SYT1: variants seen among roughly 807,000 people sequenced by gnomAD.
SYT1 encodes the protein synaptotagmin-1.
In SYT1, 8 loss-of-function variants were observed where a neutral mutation model predicts 44.8. The observed-to-expected ratio is 0.18, with a 90% CI of 0.10 to 0.32. The LOEUF (loss-of-function observed/expected upper bound fraction) is 0.32, where lower values mean the gene tolerates loss of function less well. Ranked by LOEUF, SYT1 falls within the 10% of genes least tolerant of loss-of-function variation. SYT1 has a pLI of 1.00. For synonymous variants in SYT1, 154 were observed against 188.8 expected, an observed-to-expected ratio of 0.82 and a Z score of 1.51; for missense variants, 286 against 509.3, an observed-to-expected ratio of 0.56 and a Z score of 4.22.
At chr12:79,262,512 A>C (rs1877889033) in intron 4 of SYT1, among the ~76,000 whole-genome samples, 1 of 152,188 alleles carries the variant, frequency 6.6e-6, no homozygotes, top group African/African-American at 2.4e-5. Flanking sequence ...AGTTTCTGGA[A>C]GTGTGTACAT....
chr12:79,075,353 C>T (rs1480711849), intron 3 of SYT1, among the ~76,000 whole-genome samples: 1 of 152,058 alleles, frequency 6.6e-6, no homozygotes, highest in Non-Finnish European at 1.5e-5. Flanking sequence ...CTTTTTTGTG[C>T]TAATCCAAAT....
At chr12:79,402,292 G>A (rs975465232) in intron 9 of SYT1, among the ~76,000 whole-genome samples, 3 of 152,146 alleles carry the variant, frequency 2.0e-5, no homozygotes, top group Non-Finnish European at 2.9e-5. Flanking sequence ...CATGTCCCAC[G>A]TGGCCAGTAA....
intron 9 of SYT1, among the ~76,000 whole-genome samples, chr12:79,358,558 G>A (rs1883199639): frequency 6.6e-6 from 1 of 152,100 alleles, no homozygotes; most frequent in Non-Finnish European, 1.5e-5. Context: ...CACATAGATG[G>A]GGGTGTTCAA....
At chr12:79,159,396 T>C (rs61927309) in intron 3 of SYT1, among the ~76,000 whole-genome samples, 11,359 of 152,200 alleles carry the variant, frequency 0.075, 516 homozygotes, top group African/African-American at 0.12. Flanking sequence ...AGTCCCCCCT[T>C]ATCTGTGGAT....
intron 3 of SYT1, among the ~76,000 whole-genome samples, chr12:79,207,028 C>T (rs569215442): frequency 6.6e-6 from 1 of 152,272 alleles, no homozygotes; most frequent in East Asian, 1.9e-4. Context: ...GCCTTAGTTT[C>T]TTCAAAGTTT....
At chr12:79,237,473 A>G (rs2138639194) in intron 4 of SYT1, among the ~76,000 whole-genome samples, 1 of 152,344 alleles carries the variant, frequency 6.6e-6, no homozygotes, top group South Asian at 2.1e-4. Flanking sequence ...GCTGTCAAAG[A>G]CTATTGGGTA....
intron 2 of SYT1, among the ~76,000 whole-genome samples, chr12:78,988,122 T>A (rs1256082594): frequency 6.6e-6 from 1 of 152,018 alleles, no homozygotes; most frequent in Non-Finnish European, 1.5e-5. Flanking sequence ...ATTCACTCAC[T>A]GAACAAATTT....
intron 9 of SYT1, among the ~76,000 whole-genome samples, chr12:79,420,186 G>T (rs1218490663): frequency 3.3e-5 from 5 of 152,074 alleles, no homozygotes; most frequent in Non-Finnish European, 7.4e-5. Context: ...GGGATTGCTG[G>T]AATGTAGGGT....
chr12:79,009,931 C>A (rs1871313109), intron 2 of SYT1, among the ~76,000 whole-genome samples: 1 of 152,118 alleles, frequency 6.6e-6, no homozygotes, highest in Non-Finnish European at 1.5e-5. Context: ...ATTGCTGTCA[C>A]TGTTCTCTCT....
chr12:79,238,211 G>A (rs180720426), intron 4 of SYT1, among the ~76,000 whole-genome samples: 7 of 152,242 alleles, frequency 4.6e-5, no homozygotes, highest in Non-Finnish European at 5.9e-5. Context: ...ATGTGACCCC[G>A]TTTTCTAAGA....
intron 3 of SYT1, among the ~76,000 whole-genome samples, chr12:79,073,906 G>A (rs1024960344): frequency 2.0e-5 from 3 of 152,064 alleles, no homozygotes; most frequent in Non-Finnish European, 4.4e-5. Flanking sequence ...TCTGCTGCAA[G>A]AAAAAATAAT....
chr12:79,301,650 T>C (rs1269028460), intron 8 of SYT1, among the ~76,000 whole-genome samples: 1 of 152,176 alleles, frequency 6.6e-6, no homozygotes, highest in Non-Finnish European at 1.5e-5. Flanking sequence ...GTGTGTTCTC[T>C]TTCCCCATTT....
At chr12:78,984,883 A>G (rs930161550) in intron 2 of SYT1, among the ~76,000 whole-genome samples, 5 of 152,030 alleles carry the variant, frequency 3.3e-5, no homozygotes, top group Admixed American at 6.6e-5. Context: ...CAATAGAAAA[A>G]GAATTAACAG....
intron 3 of SYT1, among the ~76,000 whole-genome samples, chr12:79,085,935 T>C (rs940024815): frequency 8.6e-5 from 13 of 152,028 alleles, no homozygotes; most frequent in African/African-American, 2.7e-4. Flanking sequence ...AACTCTAAGA[T>C]TAAATTAATT....
At chr12:79,079,048 C>T (rs1876853685) in intron 3 of SYT1, among the ~76,000 whole-genome samples, 1 of 152,170 alleles carries the variant, frequency 6.6e-6, no homozygotes, top group African/African-American at 2.4e-5. Context: ...CTAATTTAGG[C>T]TACAACCCTG....
chr12:79,269,825 A>C (rs973840835), intron 4 of SYT1, among the ~76,000 whole-genome samples: 3 of 152,178 alleles, frequency 2.0e-5, no homozygotes, highest in Admixed American at 2.0e-4. Flanking sequence ...TAAAGGAAAA[A>C]AGATACTTCA....
chr12:78,968,625 A>C (rs1317528398), intron 1 of SYT1, among the ~76,000 whole-genome samples: 1 of 152,182 alleles, frequency 6.6e-6, no homozygotes, highest in Non-Finnish European at 1.5e-5. Flanking sequence ...AAGGATCTCC[A>C]CTGTATTCAT....
At chr12:79,023,405 C>G (rs1192518883) in intron 2 of SYT1, among the ~76,000 whole-genome samples, 1 of 151,736 alleles carries the variant, frequency 6.6e-6, no homozygotes, top group East Asian at 1.9e-4. Context: ...CATGACATTT[C>G]TGGGGCTCCA....
In SYT1 at chr12:78,931,185, AAGAAAGAAAGAAAG is replaced by A. The variant is rs1565723096; in HGVS notation, c.-216-46612_-216-46599del. 4.9e-3 allele frequency among the ~76,000 whole-genome samples: 105 copies of A among 21,588 alleles called. 3 individuals carry two copies. The highest frequency in any genetic ancestry group is 0.019 in the African/African-American group (100 of 5,316). The allele number at this position is 21,588 out of a possible 152,430, so 14.2% of individuals were successfully genotyped here. A position where few individuals can be genotyped will look rare whatever the true frequency, so the allele number is the denominator to read the frequency against. ...GGAAAGAAAGAAAGAAAGAAAAAGA[AAGAAAGAAAGAAAG>A]AAAGAAAGAAAGAAAGAAAGAAAGA... On this transcript the variant is annotated intron_variant, in intron 1 of 10. Transcript: ENST00000261205.
Sources: allele counts gnomAD v4.1 joint callset (sites outside exome capture counted in the v4.1 genomes callset), GRCh38; gene constraint gnomAD v4.1.1; transcripts MANE v1.5; gene names NCBI Gene and HGNC (gene_info 2026-07-23, HGNC 2026-07-21).